The following RBMX2 variants were observed in gnomAD, a reference collection of about 807,000 sequenced individuals.
RBMX2 encodes the protein RNA binding motif protein X-linked 2.
For missense variants in RBMX2, 191 were observed against 256.0 expected (o/e 0.75, Z 1.73); for synonymous variants, 77 against 94.3 (o/e 0.82, Z 1.07).
chrX:130,405,200 G>A (rs1194479180), intron 3 of RBMX2, among the ~76,000 whole-genome samples: 1 of 110,111 alleles, frequency 9.1e-6, no homozygotes, highest in African/African-American at 3.3e-5. Flanking sequence ...CCAACATGGG[G>A]AAACCCTGTC....
intron 5 of RBMX2, among the ~76,000 whole-genome samples, 171 bp downstream of exon 5, chrX:130,411,696 T>C (rs1399331878): frequency 9.0e-6 from 1 of 111,005 alleles, no homozygotes; most frequent in Admixed American, 9.6e-5. Flanking sequence ...ATGGGCAGAA[T>C]TGTGTCTCTC....
chrX:130,412,231 T>C, intron 5 of RBMX2, 130 bp from the exon 6 acceptor site: 2 of 895,339 alleles, frequency 2.2e-6, no homozygotes, highest in Non-Finnish European at 3.0e-6. Flanking sequence ...CGGCTGTGAA[T>C]GTTTTTGAAC....
intron 3 of RBMX2, among the ~76,000 whole-genome samples, chrX:130,404,831 G>C (rs2034476056): frequency 8.9e-6 from 1 of 112,336 alleles, no homozygotes; most frequent in South Asian, 3.7e-4. Flanking sequence ...CAGGTGGAGG[G>C]CCCTGGCAGG....
intron 4 of RBMX2, among the ~76,000 whole-genome samples, chrX:130,410,029 A>G (rs778573552): frequency 1.8e-5 from 2 of 112,354 alleles, no homozygotes; most frequent in Admixed American, 9.4e-5. Flanking sequence ...AAAGAGCTGC[A>G]GTTGAACAGT....
In RBMX2 at chrX:130,404,982, C is replaced by G. The variant is rs140767552; in HGVS notation, c.173+1129C>G. 4.4e-3 allele frequency among the ~76,000 whole-genome samples: 498 copies of G among 112,667 alleles called. 3 individuals are homozygous for G. The highest frequency in any genetic ancestry group is 0.015 in the African/African-American group (464 of 31,065). ...CTTGCATTAAGTAATGATGAGCTAA[C>G]GTGTGCATGTTTGTTTATTCTAATT... On this transcript the variant is annotated intron_variant, in intron 3 of 5. Transcript: ENST00000305536.
At chrX:130,411,923 T>C (rs1375187011) in intron 5 of RBMX2, among the ~76,000 whole-genome samples, 1 of 111,310 alleles carries the variant, frequency 9.0e-6, no homozygotes, top group Non-Finnish European at 1.9e-5. Flanking sequence ...GTTCTCCTTA[T>C]GCACATTCCC....
intron 5 of RBMX2, 26 bp from the exon 6 acceptor site, chrX:130,412,335 T>C: frequency 9.0e-6 from 10 of 1,109,991 alleles, no homozygotes; most frequent in Non-Finnish European, 1.2e-5. Flanking sequence ...TTTTCTTATT[T>C]ACTGCTTCTT....
Position 130,411,466 on chromosome X carries a change from C to A in RBMX2, c.422C>A (p.Pro141His). Residue 141 changes from proline (P) to histidine (H), a missense_variant, in exon 5 of 6, where the codon CCC becomes CAC. Coordinates refer to ENST00000305536, the MANE Select transcript of RBMX2 (RefSeq NM_016024.4). ...GAGAAGGGCTGTGGGGCTCGTACCC[C>A]CTCACCAAGTTTGTCTGAGAGCTCT... ...LQEKGCGARTPSPSLSESSED... is the reference protein window; with the variant it reads ...LQEKGCGARTHSPSLSESSED... 4 of 1,205,713 alleles carry A rather than the reference C, an allele frequency of 3.3e-6. No homozygotes were observed. Among genetic ancestry groups the A allele is most frequent in the Non-Finnish European group, 4.5e-6 (4 of 893,369 alleles).
intron 3 of RBMX2, chrX:130,404,181 C>T (rs1421736188): frequency 3.9e-6 from 1 of 256,921 alleles, no homozygotes; most frequent in Admixed American, 5.5e-5. Flanking sequence ...AACCCATGGT[C>T]ACAGGGCCCT....
At position 130,403,067 on chromosome X, in the gene RBMX2, G is replaced by C. The variant is rs149386346; in HGVS notation, c.121+697G>C. 4.9e-3 allele frequency among the ~76,000 whole-genome samples: 552 copies of C among 112,717 alleles called. 5 individuals are homozygous for C. Among genetic ancestry groups the C allele is most frequent in the African/African-American group, 0.017 (531 of 31,059 alleles). ...ATTATTCCCTAGGAAATGCTTAACAGTGTCTTTATAACCTTTGTCTATGTG... is the reference window on the plus strand; with the variant it reads ...ATTATTCCCTAGGAAATGCTTAACACTGTCTTTATAACCTTTGTCTATGTG... On this transcript the variant is annotated intron_variant, in intron 2 of 5. Transcript: ENST00000305536.
At position 130,403,784 on chromosome X, in the gene RBMX2, T is replaced by C. The variant is rs2034469329; in HGVS notation, c.122-18T>C. The C allele has an allele frequency of 1.7e-6, 2 of 1,204,262 alleles. No homozygotes were observed. Among genetic ancestry groups the C allele is most frequent in the Non-Finnish European group, 2.3e-6 (2 of 888,455 alleles). On this transcript the variant is annotated intron_variant, in intron 2 of 5. Transcript: ENST00000305536. ...TTGGTAAATGTTGGTGGAACTGAAA[T>C]GTGGTTTTCTCTTCTAGGAGGGCTT...
chrX:130,412,264 A>G (rs1603271976), intron 5 of RBMX2, 97 bp from the exon 6 acceptor site: 7 of 1,013,447 alleles, frequency 6.9e-6, no homozygotes, highest in African/African-American at 3.9e-5. Flanking sequence ...GGTTGATGTA[A>G]CGTATTCAGA....
At chrX:130,410,231 G>T (rs996625460) in intron 4 of RBMX2, among the ~76,000 whole-genome samples, 14 of 112,199 alleles carry the variant, frequency 1.2e-4, no homozygotes, top group Non-Finnish European at 1.9e-5. Context: ...GAGGATACAT[G>T]ACAGAAGCCA....
At position 130,402,243 on chromosome X, in the gene RBMX2, G is replaced by A; in HGVS notation, c.6-12G>A. The A allele has an allele frequency of 6.2e-6, 3 of 482,137 alleles. No individual in the cohort carries two copies. The highest frequency in any genetic ancestry group is 8.8e-6 in the Non-Finnish European group (3 of 341,802). 39.7% of individuals were successfully genotyped at this position (482,137 alleles called of 1,213,427 possible). A position where few individuals can be genotyped will look rare whatever the true frequency, so the allele number is the denominator to read the frequency against. ...TCTGCCTACCCTCCCCACCCCCCCC[G>A]CCACCGTGAAGCCCTTTAACTAAGG... On this transcript the variant is annotated splice_polypyrimidine_tract_variant and intron_variant, in intron 1 of 5. Transcript: ENST00000305536.
At chrX:130,402,225 A>AGCCCACCCC in intron 1 of RBMX2, 30 bp from the exon 2 acceptor site, 1 of 984,787 alleles carries the variant, frequency 1.0e-6, no homozygotes, top group Non-Finnish European at 1.4e-6. Context: ...TTTTCTGCCT[A>AGCCCACCCC]CCCTCCCCAC....
At chrX:130,409,638 G>A (rs1043052839) in intron 4 of RBMX2, among the ~76,000 whole-genome samples, 1 of 111,749 alleles carries the variant, frequency 8.9e-6, no homozygotes, top group East Asian at 2.8e-4. Context: ...CACCAGGCCT[G>A]CCTCTCATCC....
chrX:130,406,735 T>A (rs2034487865), intron 3 of RBMX2, among the ~76,000 whole-genome samples: 1 of 110,364 alleles, frequency 9.1e-6, no homozygotes, highest in Non-Finnish European at 1.9e-5. Flanking sequence ...TTCCAATTTG[T>A]ATAAATGTAA....
intron 4 of RBMX2, 193 bp from the exon 5 acceptor site, chrX:130,411,155 T>C (rs2034510343): frequency 3.0e-6 from 1 of 330,963 alleles, no homozygotes; most frequent in Non-Finnish European, 5.1e-6. Flanking sequence ...CTGGCTGCAC[T>C]GAGAGCTGAA....
intron 3 of RBMX2, among the ~76,000 whole-genome samples, chrX:130,406,066 G>A (rs1232676325): frequency 4.6e-5 from 3 of 65,323 alleles, no homozygotes; most frequent in Admixed American, 1.5e-4. Flanking sequence ...CGTTTTAGCC[G>A]GGATGGTCTC....
Sources: allele counts gnomAD v4.1 joint callset (sites outside exome capture counted in the v4.1 genomes callset), GRCh38; gene constraint gnomAD v4.1.1; transcripts MANE v1.5; gene names NCBI Gene and HGNC (gene_info 2026-07-23, HGNC 2026-07-21).